PXK: variants seen among roughly 807,000 people sequenced by gnomAD.
PXK encodes PX domain-containing protein kinase-like protein.
Under a neutral mutation model 84.7 loss-of-function variants are expected in PXK, and 35 were observed. The ratio of observed to expected loss-of-function variants is 0.41; its 90% CI spans 0.32 to 0.55. PXK has a LOEUF of 0.55. Among genes scored for constraint, PXK ranks in the 20% least tolerant of loss-of-function variants. PXK has a pLI of 0.21. For missense variants in PXK, 634 were observed against 699.7 expected (o/e 0.91, Z 1.06); for synonymous variants, 253 against 260.8 (o/e 0.97, Z 0.29).
chr3:58,382,657 TAAG>T lies in PXK; in HGVS notation c.349_351del (p.Lys117del). Reference sequence around the variant, plus strand: ...ATATCTTGTCTAATTGTGAGCTGGTTAAGAAGTTTTTAGATCCAAACAACTATT... The same window carrying T: ...ATATCTTGTCTAATTGTGAGCTGGTTAAGTTTTTAGATCCAAACAACTATT... On this transcript the variant is annotated inframe_deletion, in exon 4 of 18. Transcript: ENST00000356151. The T allele has an allele frequency of 6.3e-7, 1 of 1,586,476 alleles. No homozygotes were observed. The highest frequency in any genetic ancestry group is 8.5e-7 in the Non-Finnish European group (1 of 1,171,622).
At chr3:58,393,818 C>G (rs2098655130) in intron 7 of PXK, among the ~76,000 whole-genome samples, 1 of 152,138 alleles carries the variant, frequency 6.6e-6, no homozygotes, top group Non-Finnish European at 1.5e-5. Flanking sequence ...TTTTCTAACT[C>G]TATTATTCCT....
chr3:58,391,797 T>C lies in PXK; in HGVS notation c.565T>C (p.Leu189=). Residue 189 remains leucine, a synonymous_variant, in exon 7 of 18, where the codon TTG becomes CTG. Transcript: ENST00000356151. ...SWADLGPDKY[L]SDKDFQCLIK... is the part of the protein sequence containing the mutation. The stretch of plus-strand genomic sequence containing the variant: ...GGCTGACCTTGGCCCAGACAAGTAT[T>C]TGTCAGATAAAGATTTTCAGTGTCT... 4 of 1,613,744 alleles carry C rather than the reference T, an allele frequency of 2.5e-6. No individual in the cohort carries two copies. The highest frequency in any genetic ancestry group is 3.4e-6 in the Non-Finnish European group (4 of 1,179,628).
At position 58,411,786 on chromosome 3, in the gene PXK, C is replaced by G. The variant is rs565438540; in HGVS notation, c.1466-1115C>G. Among the ~76,000 whole-genome samples, 3 of 152,196 alleles carry G rather than the reference C, an allele frequency of 2.0e-5. No individual in the cohort carries two copies. Among genetic ancestry groups the G allele is most frequent in the African/African-American group, 7.2e-5 (3 of 41,524 alleles). On this transcript the variant is annotated intron_variant, in intron 16 of 17. Transcript: ENST00000356151. This position sits in a 1 kb window ranked among gnomAD's most constrained non-coding sequence, Gnocchi z 4.2. Reference sequence around the variant, plus strand: ...TGGAGTCAAGCAGTGAAGCTTCTCCCCATTAAAGTTCATTAGCACTACGAA... The same window carrying G: ...TGGAGTCAAGCAGTGAAGCTTCTCCGCATTAAAGTTCATTAGCACTACGAA...
chr3:58,350,180 G>A (rs2097896422), intron 1 of PXK, among the ~76,000 whole-genome samples: 1 of 152,128 alleles, frequency 6.6e-6, no homozygotes, highest in Admixed American at 6.5e-5. Context: ...CCTTTCGACT[G>A]CTTCTTAACT....
At chr3:58,378,565 G>A (rs1217695810) in intron 3 of PXK, among the ~76,000 whole-genome samples, 18 of 112,350 alleles carry the variant, frequency 1.6e-4, no homozygotes, top group Non-Finnish European at 2.5e-4. Flanking sequence ...ACGAAGTTTC[G>A]CTCTTGTTGC....
Position 58,390,810 on chromosome 3 carries a change from A to C in PXK, c.466+151A>C, listed in dbSNP as rs1247399904. On this transcript the variant is annotated intron_variant, in intron 5 of 17. Transcript: ENST00000356151. This position sits in a 1 kb window ranked among gnomAD's most constrained non-coding sequence, Gnocchi z 4.2. ...TCAACTGCTTGAGGATACAGCTGGTAACTTTTAATACTTAATGAACCTTGG... is the reference window on the plus strand; with the variant it reads ...TCAACTGCTTGAGGATACAGCTGGTCACTTTTAATACTTAATGAACCTTGG... 1.4e-6 allele frequency: 1 copy of C among 699,612 alleles called. No homozygotes were observed. 43.3% of individuals were successfully genotyped at this position (699,612 alleles called of 1,614,324 possible). A position where few individuals can be genotyped will look rare whatever the true frequency, so the allele number is the denominator to read the frequency against.
chr3:58,391,347 T>C, intron 6 of PXK, 127 bp downstream of exon 6: 1 of 785,662 alleles, frequency 1.3e-6, no homozygotes, highest in South Asian at 1.9e-5. Context: ...CCTTGGTCCA[T>C]GTCAAAGAAA....
At chr3:58,336,692 T>C (rs1041684367) in intron 1 of PXK, among the ~76,000 whole-genome samples, 14 of 152,204 alleles carry the variant, frequency 9.2e-5, no homozygotes, top group Admixed American at 5.2e-4. Flanking sequence ...AAAAAATGCT[T>C]ACATAGCTGA....
intron 1 of PXK, among the ~76,000 whole-genome samples, chr3:58,343,010 C>T (rs1007218786): frequency 6.6e-6 from 1 of 152,146 alleles, no homozygotes; most frequent in Non-Finnish European, 1.5e-5. Flanking sequence ...CTTTGATGTG[C>T]TCATCAGAAA....
chr3:58,414,051 T>A lies in PXK; in HGVS notation c.1528+1088T>A, dbSNP rs1271903675. Reference sequence around the variant, plus strand: ...AAGTACCTGGTCCATGGGAGGATATTCTTGTCCTTATCTTTGTCAGCAGAT... The same window carrying A: ...AAGTACCTGGTCCATGGGAGGATATACTTGTCCTTATCTTTGTCAGCAGAT... On this transcript the variant is annotated intron_variant, in intron 17 of 17. Coordinates refer to ENST00000356151, the MANE Select transcript of PXK (RefSeq NM_017771.5). This position sits in a 1 kb window ranked among gnomAD's most constrained non-coding sequence, Gnocchi z 4.5. 1 of 152,182 alleles carries A rather than the reference T, an allele frequency of 6.6e-6. No homozygotes were observed. Among genetic ancestry groups the A allele is most frequent in the Non-Finnish European group, 1.5e-5 (1 of 68,044 alleles). The allele number at this position is 152,182 out of a possible 1,614,324, so 9.4% of individuals were successfully genotyped here.
At chr3:58,413,412 C>T (rs2060500307) in intron 17 of PXK, 2 of 161,784 alleles carry the variant, frequency 1.2e-5, no homozygotes, top group Admixed American at 6.2e-5. Flanking sequence ...AGAGTCACTG[C>T]GTTTCTGATT....
At chr3:58,422,439 C>A in intron 17 of PXK, 2 of 985,440 alleles carry the variant, frequency 2.0e-6, no homozygotes, top group Non-Finnish European at 2.4e-6. Context: ...TCAGGGAGAT[C>A]CTGCTGCCTG....
intron 3 of PXK, among the ~76,000 whole-genome samples, chr3:58,374,709 C>T (rs1220189008): frequency 6.6e-6 from 1 of 152,080 alleles, no homozygotes; most frequent in Non-Finnish European, 1.5e-5. Flanking sequence ...GTATTTTTTT[C>T]CCTCCCTTCT....
intron 1 of PXK, among the ~76,000 whole-genome samples, chr3:58,344,820 C>T (rs1322815725): frequency 6.6e-6 from 1 of 152,122 alleles, no homozygotes; most frequent in Non-Finnish European, 1.5e-5. Flanking sequence ...AAGAGTGAAA[C>T]TCCATCTCAA....
chr3:58,361,126 G>A (rs543451971), intron 1 of PXK, among the ~76,000 whole-genome samples: 6 of 151,580 alleles, frequency 4.0e-5, no homozygotes, highest in Non-Finnish European at 5.9e-5. Flanking sequence ...GCGAAACCCC[G>A]TCTCTACTAA....
At position 58,390,604 on chromosome 3, in the gene PXK, C is replaced by G. The variant is rs188811121; in HGVS notation, c.411C>G (p.Ser137=). ...NYTEIALQQV[S]MFFRSEPKWE... ...CAGAGATTGCCTTGCAACAGGTTTC[C>G]ATGTTCTTCCGATCAGAACCAAAGT... is the stretch of plus-strand genomic sequence containing the variant. Residue 137 remains serine, a synonymous_variant, in exon 5 of 18, where the codon TCC becomes TCG. Coordinates refer to ENST00000356151, the MANE Select transcript of PXK (RefSeq NM_017771.5). The surrounding 1 kb of genome is among the most constrained non-coding windows in gnomAD (Gnocchi z 4.2). The G allele has an allele frequency of 3.7e-6, 6 of 1,613,004 alleles. No individual in the cohort carries two copies. The highest frequency in any genetic ancestry group is 1.7e-5 in the Admixed American group (1 of 59,904).
chr3:58,371,619 A>C (rs1007035891), intron 3 of PXK, among the ~76,000 whole-genome samples: 3 of 152,082 alleles, frequency 2.0e-5, no homozygotes, highest in South Asian at 2.1e-4. Context: ...TGGGGAGGGG[A>C]GTTTTATCTC....
At position 58,390,558 on chromosome 3, in the gene PXK, TG is replaced by T; in HGVS notation, c.389-21del. 6.3e-7 allele frequency: 1 copy of T among 1,597,244 alleles called. No homozygotes were observed. Among genetic ancestry groups the T allele is most frequent in the Non-Finnish European group, 8.6e-7 (1 of 1,166,376 alleles). On this transcript the variant is annotated intron_variant, in intron 4 of 17. Coordinates refer to ENST00000356151, the MANE Select transcript of PXK (RefSeq NM_017771.5). The surrounding 1 kb of genome is among the most constrained non-coding windows in gnomAD (Gnocchi z 4.2). The stretch of plus-strand genomic sequence containing the variant: ...GCCCTTTCCTGATATGTCTGACTAA[TG>T]GGTTTCTAAAATGTCTTTGCAGAGA...
chr3:58,351,353 A>G (rs1027614601), intron 1 of PXK, among the ~76,000 whole-genome samples: 2 of 151,458 alleles, frequency 1.3e-5, no homozygotes, highest in Non-Finnish European at 1.5e-5. Context: ...TCAGCCCCCC[A>G]AATAGCTGAG....
Sources: allele counts gnomAD v4.1 joint callset (sites outside exome capture counted in the v4.1 genomes callset), GRCh38; gene constraint gnomAD v4.1.1; non-coding constraint Gnocchi (gnomAD v3.1); transcripts MANE v1.5; gene names NCBI Gene and HGNC (gene_info 2026-07-23, HGNC 2026-07-21).